NRG2: variants seen among roughly 807,000 people sequenced by gnomAD.
NRG2 encodes pro-neuregulin-2, membrane-bound isoform.
In NRG2, 27 loss-of-function variants were observed where a neutral mutation model predicts 73.9. The ratio of observed to expected loss-of-function variants is 0.37; its 90% CI spans 0.27 to 0.50. The LOEUF (loss-of-function observed/expected upper bound fraction) is 0.50, where lower values mean the gene tolerates loss of function less well. NRG2 is among the 20% of genes least tolerant of loss of function. NRG2 has a pLI of 0.96. For missense variants in NRG2, 1,126 were observed against 1,210.1 expected (o/e 0.93, Z 1.03); for synonymous variants, 532 against 541.0 (o/e 0.98, Z 0.23).
intron 1 of NRG2, among the ~76,000 whole-genome samples, chr5:139,982,917 C>G (rs1756920464): frequency 6.6e-6 from 1 of 152,192 alleles, no homozygotes; most frequent in South Asian, 2.1e-4. Flanking sequence ...TCCCACACTC[C>G]TGCAGTTCCT....
intron 1 of NRG2, among the ~76,000 whole-genome samples, chr5:139,907,914 G>A (rs998962614): frequency 3.3e-5 from 5 of 152,190 alleles, no homozygotes; most frequent in Admixed American, 2.0e-4. Flanking sequence ...AAACACTTAC[G>A]GGACACGTAC....
rs1476850395 is a variant in NRG2 at position 139,848,604 on chromosome 5, G to A, written c.1866C>T (p.Ser622=). The A allele has an allele frequency of 1.3e-6, 2 of 1,576,556 alleles. No individual in the cohort carries two copies. The highest frequency in any genetic ancestry group is 1.7e-6 in the Non-Finnish European group (2 of 1,171,112). ...ATQVPTFEIT[S]PNSAHAVSLP... ...GCGACACGGCGTGCGCCGAGTTGGG[G>A]GACGTGATCTCGAAAGTTGGCACCT... Residue 622 remains serine, a synonymous_variant, in exon 10 of 10, where the codon TCC becomes TCT. Transcript: ENST00000361474.
intron 1 of NRG2, among the ~76,000 whole-genome samples, chr5:139,950,256 C>A (rs1302552184): frequency 1.3e-5 from 2 of 152,210 alleles, no homozygotes; most frequent in Non-Finnish European, 2.9e-5. Context: ...TGGCCCCCTC[C>A]ATGATTGGCG....
intron 1 of NRG2, among the ~76,000 whole-genome samples, chr5:139,971,640 T>A (rs931276252): frequency 6.6e-6 from 1 of 152,162 alleles, no homozygotes; most frequent in African/African-American, 2.4e-5. Context: ...AATATGCAAT[T>A]AGAAAATATA....
chr5:139,995,838 A>T (rs923400979), intron 1 of NRG2, among the ~76,000 whole-genome samples: 11 of 152,128 alleles, frequency 7.2e-5, no homozygotes, highest in Non-Finnish European at 1.3e-4. Flanking sequence ...ATAGAGCAAG[A>T]CTCTATTTCT....
At chr5:140,024,286 G>C (rs939877546) in intron 1 of NRG2, among the ~76,000 whole-genome samples, 6 of 148,976 alleles carry the variant, frequency 4.0e-5, no homozygotes, top group Middle Eastern at 3.5e-3. Flanking sequence ...ACGGAGTCTC[G>C]CTTTGTCGCC....
At chr5:139,977,900 G>A (rs1442222371) in intron 1 of NRG2, among the ~76,000 whole-genome samples, 7 of 152,200 alleles carry the variant, frequency 4.6e-5, no homozygotes, top group Admixed American at 2.6e-4. Context: ...AATGTAGAAA[G>A]CTGAAACTGG....
At chr5:139,988,114 C>T (rs753719539) in intron 1 of NRG2, among the ~76,000 whole-genome samples, 7 of 151,994 alleles carry the variant, frequency 4.6e-5, no homozygotes, top group African/African-American at 1.7e-4. Flanking sequence ...AGATACATAT[C>T]TATTAGAATG....
intron 1 of NRG2, among the ~76,000 whole-genome samples, chr5:139,945,337 C>G (rs1753726898): frequency 6.6e-6 from 1 of 152,044 alleles, no homozygotes; most frequent in Non-Finnish European, 1.5e-5. Context: ...TGTCCTGAAG[C>G]ATTTCTCCTA....
At position 139,852,787 on chromosome 5, in the gene NRG2, C is replaced by T. The variant is rs1761540648; in HGVS notation, c.1416+117G>A. The T allele has an allele frequency of 1.3e-6, 2 of 1,528,904 alleles. No homozygotes were observed. The highest frequency in any genetic ancestry group is 2.0e-5 in the Admixed American group (1 of 49,176). The allele number at this position is 1,528,904 out of a possible 1,614,324, so 94.7% of individuals were successfully genotyped here. On this transcript the variant is annotated intron_variant, in intron 7 of 9. Coordinates refer to ENST00000361474, the MANE Select transcript of NRG2 (RefSeq NM_004883.3). The surrounding 1 kb of genome is among the most constrained non-coding windows in gnomAD (Gnocchi z 4.4). Reference sequence around the variant, plus strand: ...GCCATCCTGGTGAGGCAGTGCCTAGCAGGCAAGGCTGGCCATGGGATAGGC... The same window carrying T: ...GCCATCCTGGTGAGGCAGTGCCTAGTAGGCAAGGCTGGCCATGGGATAGGC...
intron 1 of NRG2, among the ~76,000 whole-genome samples, chr5:139,981,710 T>G (rs1192577299): frequency 2.0e-5 from 3 of 152,206 alleles, no homozygotes; most frequent in Non-Finnish European, 4.4e-5. Context: ...CAGTTCAGCA[T>G]TAGAGGCTCC....
At chr5:139,939,674 A>C (rs945829288) in intron 1 of NRG2, among the ~76,000 whole-genome samples, 1 of 152,244 alleles carries the variant, frequency 6.6e-6, no homozygotes, top group African/African-American at 2.4e-5. Flanking sequence ...AGTTTTATGA[A>C]AATGAAAAGG....
chr5:139,894,117 T>C lies in NRG2; in HGVS notation c.701-6606A>G, dbSNP rs1420008704. On this transcript the variant is annotated intron_variant, in intron 1 of 9. Transcript: ENST00000361474. The surrounding 1 kb of genome is among the most constrained non-coding windows in gnomAD (Gnocchi z 5.0). The stretch of plus-strand genomic sequence containing the variant: ...ATTCCTCTCGGCAGTGGGCGGTGGG[T>C]GCGGAGCCTACTCAGATCTGAGAGC... 6.6e-6 allele frequency among the ~76,000 whole-genome samples: 1 copy of C among 152,038 alleles called. No individual in the cohort carries two copies. Among genetic ancestry groups the C allele is most frequent in the African/African-American group, 2.4e-5 (1 of 41,384 alleles).
intron 1 of NRG2, among the ~76,000 whole-genome samples, chr5:139,938,497 C>T (rs960021540): frequency 2.0e-5 from 3 of 151,934 alleles, no homozygotes; most frequent in Non-Finnish European, 2.9e-5. Context: ...GCTAGGACTA[C>T]AGACCCAGGC....
rs1761186982 is a variant in NRG2, at chr5:139,848,570, C to G, written c.1900G>C (p.Ala634Pro). 1 of 1,551,878 alleles carries G rather than the reference C, an allele frequency of 6.4e-7. No homozygotes were observed. The highest frequency in any genetic ancestry group is 2.6e-5 in the East Asian group (1 of 39,000). Residue 634 changes from alanine (A) to proline (P), a missense_variant, in exon 10 of 10, where the codon GCG becomes CCG. Around this residue, in one of 3 missense-constraint regions of NRG2, gnomAD observed 402 missense variants for 357.8 expected, o/e 1.12. Coordinates refer to ENST00000361474, the MANE Select transcript of NRG2 (RefSeq NM_004883.3). Reference protein sequence around the residue: ...NSAHAVSLPPAAPISYRLAEQ... With the variant: ...NSAHAVSLPPPAPISYRLAEQ... The stretch of plus-strand genomic sequence containing the variant: ...GCCAGGCGGTAACTGATGGGCGCCG[C>G]CGGCGGCAGCGACACGGCGTGCGCC...
In NRG2 at chr5:139,880,862, T is replaced by C. The variant is rs1441995093; in HGVS notation, c.985A>G (p.Asn329Asp). 6 of 1,613,756 alleles carry C rather than the reference T, an allele frequency of 3.7e-6. No individual in the cohort carries two copies. The Admixed American group carries it at 8.3e-5, about 22-fold the overall frequency. ...KDTVRGRLYV[N>D]SVSTTLSSWS... Reference sequence around the variant, plus strand: ...TCTGTCTGGGCCCACCTACCGCTGTTGACGTAAAGCCGGCCCCGGACGGTG... The same window carrying C: ...TCTGTCTGGGCCCACCTACCGCTGTCGACGTAAAGCCGGCCCCGGACGGTG... Residue 329 changes from asparagine to aspartate, a missense_variant, in exon 3 of 10, where the codon AAC becomes GAC. Around this residue, in one of 3 missense-constraint regions of NRG2, gnomAD observed 539 missense variants for 703.2 expected, o/e 0.77. Coordinates refer to ENST00000361474, the MANE Select transcript of NRG2 (RefSeq NM_004883.3).
At chr5:139,889,696 C>A (rs1764086552) in intron 1 of NRG2, among the ~76,000 whole-genome samples, 1 of 152,186 alleles carries the variant, frequency 6.6e-6, no homozygotes, top group African/African-American at 2.4e-5. Context: ...GCAGCTTTAT[C>A]TTTGCACACA....
intron 1 of NRG2, among the ~76,000 whole-genome samples, chr5:140,032,052 GA>G (rs1761198434): frequency 6.6e-6 from 1 of 152,134 alleles, no homozygotes; most frequent in Non-Finnish European, 1.5e-5. Flanking sequence ...CTGGCCTCCA[GA>G]AGCCCCCAAA....
At chr5:139,895,518 G>A (rs577933358) in intron 1 of NRG2, among the ~76,000 whole-genome samples, 28 of 152,320 alleles carry the variant, frequency 1.8e-4, no homozygotes, top group African/African-American at 6.3e-4. Flanking sequence ...GGGCTGGCAC[G>A]GATGAGGCAC....
Sources: gnomAD v4.1 joint callset for allele counts (sites outside exome capture counted in the v4.1 genomes callset) on GRCh38, gnomAD v4.1.1 for gene constraint, gnomAD v4.1.1 regional missense constraint, Gnocchi (gnomAD v3.1) non-coding constraint, MANE v1.5 for transcripts, NCBI Gene and HGNC (gene_info 2026-07-23, HGNC 2026-07-21) for gene names.